CLDND2: variants seen among roughly 807,000 people sequenced by gnomAD.
CLDND2 encodes the protein claudin domain containing 2.
A neutral mutation model predicts 17.7 loss-of-function variants in CLDND2; 18 were observed. The observed-to-expected ratio is 1.02, with a 90% CI of 0.70 to 1.51. The LOEUF (loss-of-function observed/expected upper bound fraction) is 1.51. Among genes scored for constraint, CLDND2 ranks in the 40% most tolerant of loss-of-function variants. The pLI, the probability that CLDND2 is intolerant of heterozygous loss-of-function variation, is 0.00. For synonymous variants in CLDND2, 113 were observed against 93.0 expected (o/e 1.22, Z -1.24); for missense variants, 233 against 219.6 (o/e 1.06, Z -0.39).
In CLDND2 at chr19:51,367,691, C is replaced by T; in HGVS notation, c.311-115G>A. On this transcript the variant is annotated intron_variant, in intron 2 of 3. Coordinates refer to ENST00000291715, the MANE Select transcript of CLDND2 (RefSeq NM_152353.3). The surrounding 1 kb of genome is among the most constrained non-coding windows in gnomAD (Gnocchi z 7.4). ...AGACCACGCCTATCGCCTCTCAGCC[C>T]GCCCCTGGCCCAGGCCCCTTCCTGC... The T allele has an allele frequency of 6.7e-7, 1 of 1,493,264 alleles. No individual in the cohort carries two copies. The highest frequency in any genetic ancestry group is 1.3e-5 in the South Asian group (1 of 75,594). 92.5% of individuals were successfully genotyped at this position (1,493,264 alleles called of 1,614,324 possible).
At chr19:51,368,078 G>A (rs185890735) in intron 1 of CLDND2, 52 bp from the exon 2 acceptor site, 1 of 1,533,536 alleles carries the variant, frequency 6.5e-7, no homozygotes, top group Admixed American at 2.0e-5. Context: ...AGTCACTACG[G>A]GTTCGGCCGC....
chr19:51,366,959 T>G (rs1470884434), downstream of CLDND2: 5 of 605,976 alleles, frequency 8.3e-6, no homozygotes, highest in East Asian at 1.5e-4. Context: ...TCCCAATCCA[T>G]GGAGACTTGT....
chr19:51,368,430 A>G lies in CLDND2; in HGVS notation c.148T>C (p.Cys50Arg). ...TCACTCTGGCAGGGGATGCTGGAGCAGATGCCGTGGTTGCATTCCTGCCAC... is the reference window on the plus strand; with the variant it reads ...TCACTCTGGCAGGGGATGCTGGAGCGGATGCCGTGGTTGCATTCCTGCCAC... ...GLWQECNHGI[C>R]SSIPCQTTLA... Residue 50 changes from cysteine to arginine, a missense_variant, in exon 1 of 4, where the codon TGC becomes CGC. Transcript: ENST00000291715. 6.2e-7 allele frequency: 1 copy of G among 1,613,400 alleles called. No homozygotes were observed. The highest frequency in any genetic ancestry group is 8.5e-7 in the Non-Finnish European group (1 of 1,179,862).
downstream of CLDND2, chr19:51,366,971 T>C: frequency 1.6e-6 from 1 of 644,168 alleles, no homozygotes; most frequent in Non-Finnish European, 2.8e-6. Flanking sequence ...GAGACTTGTG[T>C]CTCCATGTCT....
chr19:51,368,112 GC>G (rs1421401709), intron 1 of CLDND2, 86 bp from the exon 2 acceptor site: 4 of 1,406,070 alleles, frequency 2.8e-6, no homozygotes, highest in African/African-American at 1.4e-5. Context: ...CCCGTCTCCT[GC>G]CCCCAACCCG....
chr19:51,368,750 G>A lies in CLDND2; in HGVS notation c.-173C>T. 3.4e-6 allele frequency: 2 copies of A among 595,244 alleles called. No homozygotes were observed. Among genetic ancestry groups the A allele is most frequent in the South Asian group, 2.0e-5 (1 of 48,948 alleles). 36.9% of individuals were successfully genotyped at this position (595,244 alleles called of 1,614,324 possible). ...CCCCTCCCTCAACAACCCTGCCTGA[G>A]GATCCACAACCTCCTCCCTCCAGAC... On this transcript the variant is annotated 5_prime_UTR_variant, in exon 1 of 4. Coordinates refer to ENST00000291715, the MANE Select transcript of CLDND2 (RefSeq NM_152353.3).
Position 51,367,849 on chromosome 19 carries a change from C to T in CLDND2, c.310+37G>A. The T allele has an allele frequency of 6.2e-7, 1 of 1,600,942 alleles. No individual in the cohort carries two copies. ...AGGCCCCTCCATCACCCAGGGCCCG[C>T]CCCTGCCTGCCCGCCTGGGGCGGTC... On this transcript the variant is annotated intron_variant, in intron 2 of 3. Transcript: ENST00000291715. This position sits in a 1 kb window ranked among gnomAD's most constrained non-coding sequence, Gnocchi z 7.4.
intron 1 of CLDND2, 93 bp downstream of exon 1, chr19:51,368,316 G>T: frequency 2.1e-6 from 3 of 1,418,906 alleles, no homozygotes; most frequent in South Asian, 2.7e-5. Context: ...GCCCGGGGTG[G>T]AAGGGGTGGG....
chr19:51,368,210 G>T, intron 1 of CLDND2, 184 bp from the exon 2 acceptor site: 1 of 868,568 alleles, frequency 1.2e-6, no homozygotes, highest in Non-Finnish European at 1.7e-6. Context: ...TGCGGTTACT[G>T]CCGCTACCAG....
intron 1 of CLDND2, 180 bp downstream of exon 1, chr19:51,368,228 AG>A: frequency 3.4e-6 from 3 of 891,050 alleles, no homozygotes; most frequent in Non-Finnish European, 3.4e-6. Context: ...CAGGACGGGG[AG>A]GGGGTCGGGG....
chr19:51,367,421 C>A lies in CLDND2; in HGVS notation c.430+36G>T. The A allele has an allele frequency of 1.9e-6, 3 of 1,568,618 alleles. No homozygotes were observed. The highest frequency in any genetic ancestry group is 2.3e-5 in the East Asian group (1 of 43,618). Reference sequence around the variant, plus strand: ...GCCTCTGGGGTGAGGGTCTTCTGGGCAGTCTCCTCCACCCTCTTCCCGCTG... The same window carrying A: ...GCCTCTGGGGTGAGGGTCTTCTGGGAAGTCTCCTCCACCCTCTTCCCGCTG... On this transcript the variant is annotated intron_variant, in intron 3 of 3. Coordinates refer to ENST00000291715, the MANE Select transcript of CLDND2 (RefSeq NM_152353.3). The surrounding 1 kb of genome is among the most constrained non-coding windows in gnomAD (Gnocchi z 7.4).
At chr19:51,368,216 AC>A in intron 1 of CLDND2, 190 bp from the exon 2 acceptor site, 1 of 874,950 alleles carries the variant, frequency 1.1e-6, no homozygotes, top group Non-Finnish European at 1.7e-6. Context: ...TACTGCCGCT[AC>A]CAGGACGGGG....
chr19:51,368,279 C>T (rs1299589347), intron 1 of CLDND2, 130 bp downstream of exon 1: 8 of 1,203,732 alleles, frequency 6.6e-6, no homozygotes, highest in East Asian at 4.7e-5. Context: ...GTGGCGGCCT[C>T]GGCCGACAAG....
At position 51,368,644 on chromosome 19, in the gene CLDND2, C is replaced by T; in HGVS notation, c.-67G>A. On this transcript the variant is annotated 5_prime_UTR_variant, in exon 1 of 4. Transcript: ENST00000291715. ...CCCAGGCCTTTCCTACCCCGAGGCC[C>T]CCAGCTGAGGAGCCCGCTTCCTCCA... 3 of 1,439,132 alleles carry T rather than the reference C, an allele frequency of 2.1e-6. No homozygotes were observed. The South Asian group carries it at 3.7e-5, about 18-fold the overall frequency. The allele number at this position is 1,439,132 out of a possible 1,614,324, so 89.1% of individuals were successfully genotyped here.
At position 51,368,013 on chromosome 19, in the gene CLDND2, C is replaced by A. The variant is rs771562132; in HGVS notation, c.183G>T (p.Val61=). 175 of 1,610,182 alleles carry A rather than the reference C, an allele frequency of 1.1e-4. No individual in the cohort carries two copies. Among genetic ancestry groups the A allele is most frequent in the Non-Finnish European group, 1.4e-4 (160 of 1,178,570 alleles). The part of the protein sequence containing the change: ...SSIPCQTTLA[V]TVACMVLAVG... Reference sequence around the variant, plus strand: ...CCGCCAGCACCATGCACGCCACAGTCACCGCCAGCGTGGCTGGGGAGAGCG... The same window carrying A: ...CCGCCAGCACCATGCACGCCACAGTAACCGCCAGCGTGGCTGGGGAGAGCG... Residue 61 remains valine, a synonymous_variant, in exon 2 of 4, where the codon GTG becomes GTT. Transcript: ENST00000291715.
At position 51,368,661 on chromosome 19, in the gene CLDND2, C is replaced by G; in HGVS notation, c.-84G>C. 8.2e-7 allele frequency: 1 copy of G among 1,219,992 alleles called. No individual in the cohort carries two copies. Among genetic ancestry groups the G allele is most frequent in the Non-Finnish European group, 1.1e-6 (1 of 880,814 alleles). 75.6% of individuals were successfully genotyped at this position (1,219,992 alleles called of 1,614,324 possible). On this transcript the variant is annotated 5_prime_UTR_variant, in exon 1 of 4. Coordinates refer to ENST00000291715, the MANE Select transcript of CLDND2 (RefSeq NM_152353.3). The stretch of plus-strand genomic sequence containing the variant: ...CCGAGGCCCCCAGCTGAGGAGCCCG[C>G]TTCCTCCACACTCCTCCCCTGGTAC...
rs2123628815 is a variant in CLDND2, at chr19:51,367,819, C to T, written c.310+67G>A. On this transcript the variant is annotated intron_variant, in intron 2 of 3. Transcript: ENST00000291715. The surrounding 1 kb of genome is among the most constrained non-coding windows in gnomAD (Gnocchi z 7.4). ...CGAGTACCTCAAGCCCCTCCCCTGGCGACCAGGCCCCTCCATCACCCAGGG... is the reference window on the plus strand; with the variant it reads ...CGAGTACCTCAAGCCCCTCCCCTGGTGACCAGGCCCCTCCATCACCCAGGG... 1.3e-6 allele frequency: 2 copies of T among 1,567,058 alleles called. No homozygotes were observed. Among genetic ancestry groups the T allele is most frequent in the East Asian group, 2.3e-5 (1 of 43,468 alleles).
Position 51,368,856 on chromosome 19 carries a change from C to T in CLDND2, c.-279G>A. 1 of 389,274 alleles carries T rather than the reference C, an allele frequency of 2.6e-6. No homozygotes were observed. The highest frequency in any genetic ancestry group is 3.9e-5 in the South Asian group (1 of 25,736). 24.1% of individuals were successfully genotyped at this position (389,274 alleles called of 1,614,324 possible). On this transcript the variant is annotated 5_prime_UTR_variant, in exon 1 of 4. Transcript: ENST00000291715. Reference sequence around the variant, plus strand: ...CACCACAGGCTTTGCTGTGAGGAACCTGTCTTCCCAGAGACCTCCCCCGAC... The same window carrying T: ...CACCACAGGCTTTGCTGTGAGGAACTTGTCTTCCCAGAGACCTCCCCCGAC...
rs562106766 is a variant in CLDND2 at position 51,367,708 on chromosome 19, C to T, written c.311-132G>A. Reference sequence around the variant, plus strand: ...TCTCAGCCCGCCCCTGGCCCAGGCCCCTTCCTGCTCCTCCCGCTCTGAACT... The same window carrying T: ...TCTCAGCCCGCCCCTGGCCCAGGCCTCTTCCTGCTCCTCCCGCTCTGAACT... On this transcript the variant is annotated intron_variant, in intron 2 of 3. Transcript: ENST00000291715. The surrounding 1 kb of genome is among the most constrained non-coding windows in gnomAD (Gnocchi z 7.4). The T allele has an allele frequency of 6.6e-4, 985 of 1,484,034 alleles. No individual in the cohort carries two copies. Among genetic ancestry groups the T allele is most frequent in the Admixed American group, 2.4e-3 (100 of 41,396 alleles). The allele number at this position is 1,484,034 out of a possible 1,614,324, so 91.9% of individuals were successfully genotyped here.
Sources: gnomAD v4.1 joint callset for allele counts on GRCh38, gnomAD v4.1.1 for gene constraint, Gnocchi (gnomAD v3.1) non-coding constraint, MANE v1.5 for transcripts, NCBI Gene and HGNC (gene_info 2026-07-23, HGNC 2026-07-21) for gene names.